Variants in FBXL7 observed in about 807,000 individuals in gnomAD.
FBXL7 encodes the protein F-box and leucine rich repeat protein 7, also known as F-box/LRR-repeat protein 7.
A neutral mutation model predicts 38.3 loss-of-function variants in FBXL7; 12 were observed. The observed-to-expected ratio is 0.31, with a 90% confidence interval of 0.20 to 0.51. The LOEUF (loss-of-function observed/expected upper bound fraction) is 0.51, where lower values mean the gene tolerates loss of function less well. Among genes scored for constraint, FBXL7 ranks in the 20% least tolerant of loss-of-function variants. The pLI is 0.98. For synonymous variants in FBXL7, 297 were observed against 300.9 expected (o/e 0.99, Z 0.13); for missense variants, 567 against 676.4 (o/e 0.84, Z 1.79).
At chr5:15,651,563 GAAT>G (rs918414924) in intron 2 of FBXL7, among the ~76,000 whole-genome samples, 1 of 152,140 alleles carries the variant, frequency 6.6e-6, no homozygotes, top group African/African-American at 2.4e-5. Context: ...ATTTTCAAAG[GAAT>G]ATTTTTATTG....
chr5:15,519,722 A>G (rs1348554045), intron 1 of FBXL7, among the ~76,000 whole-genome samples: 2 of 152,184 alleles, frequency 1.3e-5, no homozygotes, highest in Admixed American at 1.3e-4. Flanking sequence ...GGACATTCCT[A>G]GAAGGAGGAG....
chr5:15,647,611 C>T (rs990698737), intron 2 of FBXL7, among the ~76,000 whole-genome samples: 2 of 152,198 alleles, frequency 1.3e-5, no homozygotes, highest in Admixed American at 1.3e-4. Flanking sequence ...TTCATACTTA[C>T]TTCTTTTCAA....
chr5:15,680,988 G>C (rs1742828017), intron 2 of FBXL7, among the ~76,000 whole-genome samples: 1 of 152,150 alleles, frequency 6.6e-6, no homozygotes, highest in South Asian at 2.1e-4. Context: ...TATCTTTTTA[G>C]TATACCAGCA....
intron 2 of FBXL7, among the ~76,000 whole-genome samples, chr5:15,724,995 A>T (rs1377981052): frequency 6.6e-6 from 1 of 152,214 alleles, no homozygotes; most frequent in East Asian, 1.9e-4. Context: ...AAATACAGGC[A>T]GGCAGCCCTC....
At chr5:15,870,845 A>T (rs1347237762) in intron 2 of FBXL7, among the ~76,000 whole-genome samples, 13 of 152,158 alleles carry the variant, frequency 8.5e-5, no homozygotes, top group Non-Finnish European at 1.5e-5. Context: ...CATCTCACTC[A>T]GGCAAGCACC....
chr5:15,912,553 C>G (rs567709658), intron 2 of FBXL7, among the ~76,000 whole-genome samples: 1 of 149,556 alleles, frequency 6.7e-6, no homozygotes, highest in South Asian at 2.1e-4. Flanking sequence ...TCCTCCCCAC[C>G]GACCTAGAAG....
chr5:15,686,059 C>A (rs140376922), intron 2 of FBXL7, among the ~76,000 whole-genome samples: 22 of 152,146 alleles, frequency 1.4e-4, no homozygotes, highest in African/African-American at 4.6e-4. Context: ...TTCAGAAATG[C>A]CTTTATGAGA....
chr5:15,783,221 G>C (rs1449287692), intron 2 of FBXL7, among the ~76,000 whole-genome samples: 1 of 152,194 alleles, frequency 6.6e-6, no homozygotes, highest in Non-Finnish European at 1.5e-5. Context: ...GCAGGGTGAA[G>C]ACCTGAGAAT....
intron 2 of FBXL7, among the ~76,000 whole-genome samples, chr5:15,782,825 G>A (rs1323291944): frequency 6.6e-6 from 1 of 152,132 alleles, no homozygotes; most frequent in Non-Finnish European, 1.5e-5. Context: ...TTGGGATTGT[G>A]GGGGTGGCCA....
At chr5:15,613,584 A>G (rs1228578916) in intron 1 of FBXL7, among the ~76,000 whole-genome samples, 1 of 151,980 alleles carries the variant, frequency 6.6e-6, no homozygotes, top group Non-Finnish European at 1.5e-5. Flanking sequence ...AATGATGGCC[A>G]TTTTTCTGAG....
intron 2 of FBXL7, among the ~76,000 whole-genome samples, chr5:15,747,112 A>C (rs1263430795): frequency 6.6e-6 from 1 of 152,192 alleles, no homozygotes; most frequent in East Asian, 1.9e-4. Flanking sequence ...CAGAAAGATG[A>C]GAAGGGAGGT....
At chr5:15,826,647 G>A (rs1485526723) in intron 2 of FBXL7, among the ~76,000 whole-genome samples, 1 of 152,074 alleles carries the variant, frequency 6.6e-6, no homozygotes. Flanking sequence ...CCAAACTCCT[G>A]TCCTCAAGTG....
chr5:15,821,144 G>A (rs910909471), intron 2 of FBXL7, among the ~76,000 whole-genome samples: 19 of 152,146 alleles, frequency 1.2e-4, no homozygotes, highest in African/African-American at 4.3e-4. Flanking sequence ...TTTATTGTGA[G>A]TTTATTTCCA....
intron 2 of FBXL7, among the ~76,000 whole-genome samples, chr5:15,794,084 G>A (rs78502909): frequency 1.1e-3 from 161 of 152,298 alleles, no homozygotes; most frequent in African/African-American, 3.8e-3. Flanking sequence ...ATGCCATCTC[G>A]TTTAAGCATA....
intron 2 of FBXL7, among the ~76,000 whole-genome samples, chr5:15,922,876 A>G (rs996561214): frequency 2.6e-5 from 4 of 152,222 alleles, no homozygotes; most frequent in Admixed American, 1.3e-4. Flanking sequence ...AGCCCAATGC[A>G]TATCATCTTA....
At chr5:15,679,053 T>A (rs1453088562) in intron 2 of FBXL7, among the ~76,000 whole-genome samples, 1 of 152,232 alleles carries the variant, frequency 6.6e-6, no homozygotes, top group Non-Finnish European at 1.5e-5. Flanking sequence ...GCAGACTCTC[T>A]GCCACCACAC....
At chr5:15,862,188 G>T (rs1030371600) in intron 2 of FBXL7, among the ~76,000 whole-genome samples, 1 of 152,102 alleles carries the variant, frequency 6.6e-6, no homozygotes, top group African/African-American at 2.4e-5. Context: ...GAATCATGGG[G>T]GCGGTTTCCC....
At chr5:15,658,522 G>C (rs529151743) in intron 2 of FBXL7, among the ~76,000 whole-genome samples, 1 of 152,280 alleles carries the variant, frequency 6.6e-6, no homozygotes, top group Non-Finnish European at 1.5e-5. Flanking sequence ...AGGAGCTGCA[G>C]ACAAGAACCC....
intron 2 of FBXL7, among the ~76,000 whole-genome samples, chr5:15,844,804 G>GA (rs549118352): frequency 1.7e-3 from 250 of 147,882 alleles, no homozygotes; most frequent in Middle Eastern, 3.5e-3. Flanking sequence ...TGCTTCCACA[G>GA]AAAAAAAAAA....
Sources: gnomAD v4.1 joint callset for allele counts (sites outside exome capture counted in the v4.1 genomes callset) on GRCh38, gnomAD v4.1.1 for gene constraint, MANE v1.5 for transcripts, NCBI Gene and HGNC (gene_info 2026-07-23, HGNC 2026-07-21) for gene names.